The following PLEKHA6 variants were observed in gnomAD, a reference collection of about 807,000 sequenced individuals.
The protein encoded by PLEKHA6 is pleckstrin homology domain containing A6.
PLEKHA6 carries 60 observed loss-of-function variants against 116.7 expected under a neutral mutation model. The observed-to-expected ratio is 0.51, with a 90% CI of 0.42 to 0.64. The LOEUF (loss-of-function observed/expected upper bound fraction) is 0.64. Among genes scored for constraint, PLEKHA6 ranks in the 30% least tolerant of loss-of-function variants. The probability of loss-of-function intolerance (pLI) is 0.00; values close to 1 mark genes in which losing one functional copy is unlikely to be tolerated. For missense variants in PLEKHA6, 1,338 were observed against 1,422.7 expected (o/e 0.94, Z 0.96); for synonymous variants, 489 against 556.1 (o/e 0.88, Z 1.70).
chr1:204,231,460 T>C lies in PLEKHA6; in HGVS notation c.2410-874A>G, dbSNP rs1313051747. On this transcript the variant is annotated intron_variant, in intron 17 of 22. Transcript: ENST00000272203. ...CAAAGATGTGCATATTACCTACACATATCCTCCAGTATACTTTAAATCACC... is the reference window on the plus strand; with the variant it reads ...CAAAGATGTGCATATTACCTACACACATCCTCCAGTATACTTTAAATCACC... 3.9e-5 allele frequency among the ~76,000 whole-genome samples: 6 copies of C among 152,312 alleles called. No individual in the cohort carries two copies. In the South Asian group the frequency reaches 1.0e-3, roughly 26 times the overall value.
At chr1:204,284,614 C>T (rs1017639259) in intron 1 of PLEKHA6, among the ~76,000 whole-genome samples, 3 of 151,996 alleles carry the variant, frequency 2.0e-5, no homozygotes, top group East Asian at 3.9e-4. Flanking sequence ...CAGACTGAGA[C>T]GATCCTTTGT....
chr1:204,255,861 G>C (rs1009254067), intron 9 of PLEKHA6, among the ~76,000 whole-genome samples: 1 of 152,192 alleles, frequency 6.6e-6, no homozygotes, highest in African/African-American at 2.4e-5. Flanking sequence ...GGCAGGCAAA[G>C]TAGTTCTCTA....
chr1:204,285,950 T>C (rs986222247), intron 1 of PLEKHA6, among the ~76,000 whole-genome samples: 2 of 151,216 alleles, frequency 1.3e-5, no homozygotes, highest in African/African-American at 2.4e-5. Context: ...GAAAGGGAGG[T>C]CTTCTGTGGG....
At position 204,228,902 on chromosome 1, in the gene PLEKHA6, A is replaced by G. The variant is rs747680034; in HGVS notation, c.2751+35T>C. On this transcript the variant is annotated intron_variant, in intron 19 of 22. Transcript: ENST00000272203. The surrounding 1 kb of genome is among the most constrained non-coding windows in gnomAD (Gnocchi z 4.0). ...GGTCACCACCTCTGTCCCTTCCCAG[A>G]GTCTCCCACTACAGCCCTTCCTGGC... 5 of 1,614,000 alleles carry G rather than the reference A, an allele frequency of 3.1e-6. No homozygotes were observed. Among genetic ancestry groups the G allele is most frequent in the South Asian group, 1.1e-5 (1 of 91,084 alleles).
chr1:204,323,881 T>C (rs1672151218), intron 1 of PLEKHA6, among the ~76,000 whole-genome samples: 1 of 152,226 alleles, frequency 6.6e-6, no homozygotes, highest in South Asian at 2.1e-4. Flanking sequence ...TCAGGTTAAA[T>C]ATCCTGCTTG....
At chr1:204,288,739 G>GTTTTTA (rs753714585) in intron 1 of PLEKHA6, among the ~76,000 whole-genome samples, 3 of 152,132 alleles carry the variant, frequency 2.0e-5, no homozygotes, top group Non-Finnish European at 4.4e-5. Context: ...TAGAGGGTTT[G>GTTTTTA]TTTTTATTTT....
chr1:204,362,320 G>C (rs937514199), upstream of PLEKHA6, among the ~76,000 whole-genome samples: 6 of 152,124 alleles, frequency 3.9e-5, no homozygotes, highest in Non-Finnish European at 7.4e-5. Flanking sequence ...CGTGAGGGAG[G>C]GAGGATTCCA....
At chr1:204,297,901 C>T (rs760433381) in intron 1 of PLEKHA6, 25 of 985,028 alleles carry the variant, frequency 2.5e-5, no homozygotes, top group Admixed American at 6.2e-5. Context: ...AGAGGGAAGA[C>T]GGCATCTTGA....
At chr1:204,301,793 G>A (rs1360327619) in intron 1 of PLEKHA6, among the ~76,000 whole-genome samples, 1 of 152,134 alleles carries the variant, frequency 6.6e-6, no homozygotes, top group Non-Finnish European at 1.5e-5. Flanking sequence ...TTTTAAAATG[G>A]GAAACCAGCC....
chr1:204,223,096 A>G lies in PLEKHA6; in HGVS notation c.*9-317T>C, dbSNP rs1165220708. Reference sequence around the variant, plus strand: ...GCTTCTGAAGGTTCTGCATCTGTGTATCTCAACAGATGGAAAGCTTGTCAG... The same window carrying G: ...GCTTCTGAAGGTTCTGCATCTGTGTGTCTCAACAGATGGAAAGCTTGTCAG... On this transcript the variant is annotated intron_variant, in intron 22 of 22. Coordinates refer to ENST00000272203, the MANE Select transcript of PLEKHA6 (RefSeq NM_014935.5). The surrounding 1 kb of genome is among the most constrained non-coding windows in gnomAD (Gnocchi z 4.8). Among the ~76,000 whole-genome samples the G allele has an allele frequency of 1.3e-5, 2 of 152,166 alleles. No homozygotes were observed. The highest frequency in any genetic ancestry group is 2.9e-5 in the Non-Finnish European group (2 of 68,036).
chr1:204,315,338 C>A (rs565548224), intron 1 of PLEKHA6, among the ~76,000 whole-genome samples: 1 of 152,322 alleles, frequency 6.6e-6, no homozygotes, highest in East Asian at 1.9e-4. Flanking sequence ...CACTGCGGCA[C>A]GTCCCCACTC....
At chr1:204,369,265 C>G (rs889028308) in intron 2 of PLEKHA6, 1 of 152,210 alleles carries the variant, frequency 6.6e-6, no homozygotes, top group Non-Finnish European at 1.5e-5. Flanking sequence ...TCGCCGATAA[C>G]AGATGAGGAA....
intron 3 of PLEKHA6, chr1:204,367,738 C>G: frequency 6.6e-6 from 1 of 152,306 alleles, no homozygotes; most frequent in East Asian, 1.9e-4. Context: ...CATCTCTCCT[C>G]CTGACAAGGA....
intron 15 of PLEKHA6, among the ~76,000 whole-genome samples, chr1:204,244,080 C>G (rs1021058964): frequency 6.6e-6 from 1 of 151,936 alleles, no homozygotes; most frequent in African/African-American, 2.4e-5. Context: ...CTCAGCCACC[C>G]AAAGTTCTGG....
chr1:204,370,219 A>G (rs1673747626), intron 2 of PLEKHA6, among the ~76,000 whole-genome samples: 1 of 152,266 alleles, frequency 6.6e-6, no homozygotes, highest in South Asian at 2.1e-4. Context: ...GTCGAACTCC[A>G]TGATCCCTGA....
chr1:204,362,188 G>A (rs996263167), upstream of PLEKHA6, among the ~76,000 whole-genome samples: 2 of 152,212 alleles, frequency 1.3e-5, no homozygotes, highest in Non-Finnish European at 2.9e-5. Flanking sequence ...GCAAGGACAG[G>A]TGAGGCGGAT....
intron 1 of PLEKHA6, among the ~76,000 whole-genome samples, chr1:204,355,995 ACACAC>A (rs750827694): frequency 8.4e-4 from 64 of 75,970 alleles, no homozygotes; most frequent in Admixed American, 1.7e-3. Context: ...ACACACACAC[ACACAC>A]AAAAAAAATC....
At chr1:204,355,433 T>TTTTGTTTG (rs531566383) in intron 1 of PLEKHA6, among the ~76,000 whole-genome samples, 1 of 151,922 alleles carries the variant, frequency 6.6e-6, no homozygotes, top group Non-Finnish European at 1.5e-5. Context: ...CATAACTACG[T>TTTTGTTTG]TTTGTTTGTT....
Position 204,219,453 on chromosome 1 carries a change from T to C in PLEKHA6, c.*3335A>G, listed in dbSNP as rs1236817088. ...CAAAGTGACAGTAGCAGTATTTGAC[T>C]GCAGCCTCTTGGTTATTGATCATGG... On this transcript the variant is annotated 3_prime_UTR_variant, in exon 23 of 23. Transcript: ENST00000272203. 6.6e-6 allele frequency: 1 copy of C among 152,420 alleles called. No individual in the cohort carries two copies. Among genetic ancestry groups the C allele is most frequent in the Non-Finnish European group, 1.5e-5 (1 of 68,024 alleles). The allele number at this position is 152,420 out of a possible 1,614,324, so 9.4% of individuals were successfully genotyped here.
Sources: gnomAD v4.1 joint callset for allele counts (sites outside exome capture counted in the v4.1 genomes callset) on GRCh38, gnomAD v4.1.1 for gene constraint, Gnocchi (gnomAD v3.1) non-coding constraint, MANE v1.5 for transcripts, NCBI Gene and HGNC (gene_info 2026-07-23, HGNC 2026-07-21) for gene names.